Variants in KIF16B observed in about 807,000 individuals in gnomAD.
The protein encoded by KIF16B is kinesin family member 16B.
KIF16B carries 98 observed loss-of-function variants against 156.3 expected under a neutral mutation model. The observed-to-expected ratio is 0.63, with a 90% confidence interval of 0.53 to 0.74. The LOEUF (loss-of-function observed/expected upper bound fraction) is 0.74, where lower values mean the gene tolerates loss of function less well. KIF16B is among the 30% of genes least tolerant of loss of function. The probability of loss-of-function intolerance (pLI) is 0.00; values close to 1 mark genes in which losing one functional copy is unlikely to be tolerated. For missense variants in KIF16B, 1,421 were observed against 1,606.5 expected, an observed-to-expected ratio of 0.88 and a Z score of 1.97; for synonymous variants, 564 against 583.7, an observed-to-expected ratio of 0.97 and a Z score of 0.49.
At position 16,515,684 on chromosome 20, in the gene KIF16B, CACAAAAGATACAATT is replaced by C; in HGVS notation, c.232-35_232-21del. The C allele has an allele frequency of 3.1e-6, 4 of 1,300,634 alleles. No homozygotes were observed. The South Asian group carries it at 4.8e-5, about 16-fold the overall frequency. 80.6% of individuals were successfully genotyped at this position (1,300,634 alleles called of 1,614,324 possible). A position where few individuals can be genotyped will look rare whatever the true frequency, so the allele number is the denominator to read the frequency against. On this transcript the variant is annotated intron_variant, in intron 3 of 25. Coordinates refer to ENST00000354981, the MANE Select transcript of KIF16B (RefSeq NM_024704.5). ...GAAAACCTGAAAGCCAAAAAGAACACACAAAAGATACAATTATCATAGATTTTAATAATAGCCCCT... is the reference window on the plus strand; with the variant it reads ...GAAAACCTGAAAGCCAAAAAGAACACATCATAGATTTTAATAATAGCCCCT...
chr20:16,377,535 G>C (rs6043917), intron 19 of KIF16B, among the ~76,000 whole-genome samples: 243 of 151,900 alleles, frequency 1.6e-3, no homozygotes, highest in African/African-American at 5.6e-3. Flanking sequence ...AGTGAGCTAT[G>C]ATCACACTAC....
At chr20:16,301,666 T>C (rs2063473475) in intron 25 of KIF16B, among the ~76,000 whole-genome samples, 2 of 151,984 alleles carry the variant, frequency 1.3e-5, no homozygotes, top group South Asian at 2.1e-4. Context: ...CATTTTTTTC[T>C]TTTTTTTGAG....
At chr20:16,386,302 G>A (rs111644852) in intron 17 of KIF16B, among the ~76,000 whole-genome samples, 151 of 152,138 alleles carry the variant, frequency 9.9e-4, no homozygotes, top group African/African-American at 3.2e-3. Flanking sequence ...GGAAAGGGCA[G>A]AGGGAAGAGG....
intron 12 of KIF16B, among the ~76,000 whole-genome samples, chr20:16,470,404 G>C (rs1409017451): frequency 6.6e-6 from 1 of 152,104 alleles, no homozygotes; most frequent in Non-Finnish European, 1.5e-5. Context: ...GTGAGGGATG[G>C]CAACAATGGG....
intron 1 of KIF16B, among the ~76,000 whole-genome samples, chr20:16,548,572 T>C (rs1182639011): frequency 1.3e-5 from 2 of 152,208 alleles, no homozygotes; most frequent in Non-Finnish European, 2.9e-5. Flanking sequence ...GCAAGGGATC[T>C]AGGTTGCAAC....
At chr20:16,309,386 C>T (rs1380726114) in intron 25 of KIF16B, among the ~76,000 whole-genome samples, 1 of 152,162 alleles carries the variant, frequency 6.6e-6, no homozygotes, top group Non-Finnish European at 1.5e-5. Context: ...AGCCCCTACA[C>T]TATCACCACC....
intron 25 of KIF16B, among the ~76,000 whole-genome samples, chr20:16,273,774 G>C (rs1229732996): frequency 6.6e-6 from 1 of 152,144 alleles, no homozygotes; most frequent in African/African-American, 2.4e-5. Context: ...CACCCACCTG[G>C]AAAGTGCTAT....
chr20:16,338,732 A>G (rs2064086335), intron 23 of KIF16B, among the ~76,000 whole-genome samples: 1 of 152,274 alleles, frequency 6.6e-6, no homozygotes, highest in Middle Eastern at 3.4e-3. Context: ...CACGCCACCA[A>G]ACAGACTGAT....
chr20:16,534,009 C>T (rs1191489977), intron 1 of KIF16B, among the ~76,000 whole-genome samples: 2 of 151,942 alleles, frequency 1.3e-5, no homozygotes, highest in African/African-American at 4.8e-5. Flanking sequence ...GCCTGTAATC[C>T]CAGCACTTTG....
chr20:16,304,194 T>C (rs192562716), intron 25 of KIF16B, among the ~76,000 whole-genome samples: 61 of 152,362 alleles, frequency 4.0e-4, no homozygotes, highest in African/African-American at 1.4e-3. Flanking sequence ...TTCTTGAGAA[T>C]AGTTGTCTTA....
At position 16,273,314 on chromosome 20, in the gene KIF16B, C is replaced by T. The variant is rs1330912637; in HGVS notation, c.3893G>A (p.Cys1298Tyr). Residue 1298 changes from cysteine to tyrosine, a missense_variant, in exon 26 of 26, where the codon TGT becomes TAT. Coordinates refer to ENST00000354981, the MANE Select transcript of KIF16B (RefSeq NM_024704.5). ...VGLTLSKHTI[C>Y]EFSPFFKKGV... ...TTTCTTGAAGAATGGTGAAAACTCA[C>T]AAATGGTATGTTTCGAGAGAGTCAG... is the stretch of plus-strand genomic sequence containing the variant. 3 of 1,613,980 alleles carry T rather than the reference C, an allele frequency of 1.9e-6. No individual in the cohort carries two copies. Among genetic ancestry groups the T allele is most frequent in the Non-Finnish European group, 1.7e-6 (2 of 1,179,892 alleles).
intron 23 of KIF16B, 93 bp downstream of exon 23, chr20:16,356,237 G>A: frequency 1.4e-6 from 2 of 1,479,980 alleles, no homozygotes; most frequent in African/African-American, 1.4e-5. Flanking sequence ...ATATTCACAT[G>A]CAGCTTCATC....
rs903032723 is a variant in KIF16B at position 16,494,318 on chromosome 20, C to T, written c.1275G>A (p.Lys425=). 1.9e-6 allele frequency: 3 copies of T among 1,603,112 alleles called. No individual in the cohort carries two copies. Among genetic ancestry groups the T allele is most frequent in the Non-Finnish European group, 2.6e-6 (3 of 1,172,982 alleles). ...TCAAAATATTTTGGGTTTCATTCCACTTATTTGTCCATTCCTTGGTCAATT... is the reference window on the plus strand; with the variant it reads ...TCAAAATATTTTGGGTTTCATTCCATTTATTTGTCCATTCCTTGGTCAATT... ...VQELTKEWTN[K]WNETQNILKE... The change falls in exon 12 of 26, where the codon AAG becomes AAA. Residue 425 remains lysine, a synonymous_variant. Transcript: ENST00000354981.
At chr20:16,498,599 C>T (rs1407164894) in intron 10 of KIF16B, among the ~76,000 whole-genome samples, 2 of 152,108 alleles carry the variant, frequency 1.3e-5, no homozygotes, top group Non-Finnish European at 2.9e-5. Flanking sequence ...AACTGCTTCA[C>T]TCTTTTTAAC....
chr20:16,338,195 G>A lies in KIF16B; in HGVS notation c.3622-2180C>T, dbSNP rs909130826. On this transcript the variant is annotated intron_variant, in intron 23 of 25. Coordinates refer to ENST00000354981, the MANE Select transcript of KIF16B (RefSeq NM_024704.5). ...GGCTCTCCCGTGAGGAAGCACTTCC[G>A]TGGCAATGCTCTCCAGCCGGGACTG... Among the ~76,000 whole-genome samples, 7 of 152,196 alleles carry A rather than the reference G, an allele frequency of 4.6e-5. No homozygotes were observed. In the South Asian group the frequency reaches 8.3e-4, roughly 18 times the overall value.
chr20:16,480,042 A>G (rs971814881), intron 12 of KIF16B, among the ~76,000 whole-genome samples: 1 of 152,116 alleles, frequency 6.6e-6, no homozygotes. Flanking sequence ...GGGGCTAATA[A>G]TGTGTTTTTC....
chr20:16,340,871 G>C (rs1007355810), intron 23 of KIF16B, among the ~76,000 whole-genome samples: 2 of 152,198 alleles, frequency 1.3e-5, no homozygotes, highest in African/African-American at 4.8e-5. Context: ...GGGAGAACAT[G>C]ATGATATAGC....
chr20:16,511,952 G>A (rs2068968049), intron 5 of KIF16B, among the ~76,000 whole-genome samples: 1 of 152,088 alleles, frequency 6.6e-6, no homozygotes, highest in Non-Finnish European at 1.5e-5. Flanking sequence ...TTCAAGACCA[G>A]CCTGACCAAC....
At chr20:16,477,782 G>A (rs1276237275) in intron 12 of KIF16B, among the ~76,000 whole-genome samples, 1 of 152,126 alleles carries the variant, frequency 6.6e-6, no homozygotes, top group Non-Finnish European at 1.5e-5. Context: ...TCTCTTACTT[G>A]GCAGGAAGAA....
Sources: allele counts gnomAD v4.1 joint callset (sites outside exome capture counted in the v4.1 genomes callset), GRCh38; gene constraint gnomAD v4.1.1; transcripts MANE v1.5; gene names NCBI Gene and HGNC (gene_info 2026-07-23, HGNC 2026-07-21).